WWOX: variants seen among roughly 807,000 people sequenced by gnomAD.
WWOX encodes WW domain containing oxidoreductase.
A neutral mutation model predicts 46.2 loss-of-function variants in WWOX; 69 were observed. The ratio of observed to expected loss-of-function variants is 1.49; its 90% CI spans 1.23 to 1.82. The LOEUF (loss-of-function observed/expected upper bound fraction) is 1.82. Among genes scored for constraint, WWOX ranks in the 40% most tolerant of loss-of-function variants. The pLI, the probability that WWOX is intolerant of heterozygous loss-of-function variation, is 0.00. For synonymous variants in WWOX, 359 were observed against 202.6 expected, an observed-to-expected ratio of 1.77 and a Z score of -6.56; for missense variants, 919 against 542.6, an observed-to-expected ratio of 1.69 and a Z score of -6.89.
chr16:78,172,026 A>G (rs1221771835), intron 5 of WWOX, among the ~76,000 whole-genome samples: 1 of 152,224 alleles, frequency 6.6e-6, no homozygotes, highest in Non-Finnish European at 1.5e-5. Context: ...AGAGGCTGGA[A>G]GAGGCATAGA....
At chr16:78,114,479 C>T (rs1233713589) in intron 3 of WWOX, among the ~76,000 whole-genome samples, 1 of 152,148 alleles carries the variant, frequency 6.6e-6, no homozygotes, top group Non-Finnish European at 1.5e-5. Flanking sequence ...GGTATGAGTG[C>T]AGAGTCTTAA....
intron 8 of WWOX, among the ~76,000 whole-genome samples, chr16:78,820,665 C>T (rs1377893372): frequency 1.3e-5 from 2 of 152,160 alleles, no homozygotes; most frequent in Non-Finnish European, 2.9e-5. Context: ...TTAATACCAA[C>T]CATGCCACGT....
At chr16:78,592,435 G>T (rs1053538300) in intron 8 of WWOX, among the ~76,000 whole-genome samples, 1 of 152,160 alleles carries the variant, frequency 6.6e-6, no homozygotes, top group Non-Finnish European at 1.5e-5. Context: ...CAAGCATGCA[G>T]ATTGTAAGTG....
intron 8 of WWOX, among the ~76,000 whole-genome samples, chr16:78,470,490 C>A (rs17638504): frequency 6.6e-6 from 1 of 152,008 alleles, no homozygotes; most frequent in Non-Finnish European, 1.5e-5. Context: ...AAGCAAGACC[C>A]CACTCTTTTA....
At chr16:78,267,432 T>C (rs2079390584) in intron 5 of WWOX, among the ~76,000 whole-genome samples, 1 of 152,226 alleles carries the variant, frequency 6.6e-6, no homozygotes, top group Non-Finnish European at 1.5e-5. Flanking sequence ...GATATTTTAT[T>C]TTGTAGTCTA....
intron 8 of WWOX, among the ~76,000 whole-genome samples, chr16:78,966,155 C>T (rs905201602): frequency 6.6e-6 from 1 of 152,142 alleles, no homozygotes; most frequent in South Asian, 2.1e-4. Context: ...GATATTAAAT[C>T]CCATGATATA....
intron 8 of WWOX, among the ~76,000 whole-genome samples, chr16:78,659,658 A>G (rs897138861): frequency 6.6e-6 from 1 of 152,292 alleles, no homozygotes; most frequent in East Asian, 1.9e-4. Context: ...AGTTCAGGAG[A>G]GTTGTGTTTA....
At chr16:78,532,175 T>C (rs2043639179) in intron 8 of WWOX, among the ~76,000 whole-genome samples, 1 of 152,142 alleles carries the variant, frequency 6.6e-6, no homozygotes, top group Non-Finnish European at 1.5e-5. Context: ...CCTTTCCCTT[T>C]CTGTTATAAA....
intron 8 of WWOX, among the ~76,000 whole-genome samples, chr16:78,738,745 G>A (rs2049147055): frequency 6.6e-6 from 1 of 152,182 alleles, no homozygotes; most frequent in Non-Finnish European, 1.5e-5. Flanking sequence ...AATGCGAACA[G>A]AGGCTGCAGC....
chr16:79,059,925 A>G (rs1361723634), intron 8 of WWOX, among the ~76,000 whole-genome samples: 2 of 152,182 alleles, frequency 1.3e-5, no homozygotes, highest in East Asian at 1.9e-4. Context: ...TTTCCTCCAG[A>G]AATGCTGCTT....
At chr16:78,662,768 G>T (rs933994643) in intron 8 of WWOX, among the ~76,000 whole-genome samples, 2 of 152,200 alleles carry the variant, frequency 1.3e-5, no homozygotes, top group Non-Finnish European at 2.9e-5. Flanking sequence ...AAGCTGCACA[G>T]TTGTTGGCAA....
intron 8 of WWOX, among the ~76,000 whole-genome samples, chr16:78,507,826 C>T (rs17706509): frequency 2.0e-5 from 3 of 152,050 alleles, no homozygotes; most frequent in African/African-American, 2.4e-5. Context: ...CCTCCGAATT[C>T]GCACCTGTTC....
At chr16:78,830,424 C>G (rs72801091) in intron 8 of WWOX, among the ~76,000 whole-genome samples, 4 of 152,004 alleles carry the variant, frequency 2.6e-5, no homozygotes, top group Admixed American at 2.0e-4. Flanking sequence ...TGGCTCTCCC[C>G]TCCCCCACTT....
At chr16:78,194,452 G>A (rs13329954) in intron 5 of WWOX, among the ~76,000 whole-genome samples, 4,027 of 151,732 alleles carry the variant, frequency 0.027, 163 homozygotes, top group African/African-American at 0.092. Flanking sequence ...GCCTGGCGTG[G>A]TGGTGGGCAC....
chr16:79,068,780 C>T (rs771992715), intron 8 of WWOX, among the ~76,000 whole-genome samples: 1 of 150,986 alleles, frequency 6.6e-6, no homozygotes, highest in African/African-American at 2.4e-5. Flanking sequence ...CACTGCCCTG[C>T]AGCCTGAGCT....
chr16:78,836,723 G>A (rs1567594367), intron 8 of WWOX, among the ~76,000 whole-genome samples: 3 of 152,132 alleles, frequency 2.0e-5, no homozygotes. Context: ...TCAGGCAGAT[G>A]GTAAGTGGCA....
chr16:78,807,504 T>G (rs2142689457), intron 8 of WWOX, among the ~76,000 whole-genome samples: 1 of 152,378 alleles, frequency 6.6e-6, no homozygotes. Flanking sequence ...CGGGTTTATT[T>G]TAAATGTTTT....
At chr16:78,989,765 G>C (rs1037816612) in intron 8 of WWOX, among the ~76,000 whole-genome samples, 29 of 151,618 alleles carry the variant, frequency 1.9e-4, no homozygotes, top group African/African-American at 4.9e-4. Context: ...GAGAGTAATG[G>C]GGCTGGCCCA....
intron 5 of WWOX, among the ~76,000 whole-genome samples, chr16:78,353,109 ATCTT>A (rs2081216677): frequency 6.6e-6 from 1 of 152,068 alleles, no homozygotes; most frequent in African/African-American, 2.4e-5. Flanking sequence ...TTTTCCTTTG[ATCTT>A]TCTATTTGTG....
Sources: gnomAD v4.1 joint callset for allele counts (sites outside exome capture counted in the v4.1 genomes callset) on GRCh38, gnomAD v4.1.1 for gene constraint, MANE v1.5 for transcripts, NCBI Gene and HGNC (gene_info 2026-07-23, HGNC 2026-07-21) for gene names.